RNF20: variants seen among roughly 807,000 people sequenced by gnomAD.
The protein encoded by RNF20 is ring finger protein 20.
In RNF20, 84 loss-of-function variants were observed where a neutral mutation model predicts 126.2. The observed-to-expected ratio is 0.67, with a 90% CI of 0.56 to 0.80. The LOEUF is 0.80. Among genes scored for constraint, RNF20 ranks in the 30% least tolerant of loss-of-function variants. RNF20 has a pLI of 0.00. For synonymous variants in RNF20, 400 were observed against 414.3 expected (o/e 0.97, Z 0.42); for missense variants, 869 against 1,188.2 (o/e 0.73, Z 3.95).
Position 101,554,687 on chromosome 9 carries a change from C to T in RNF20, c.2020-7C>T, listed in dbSNP as rs374049010. ...TTTATTTTTGTGCAATTCCTTTCCTCTTATAGTTGGAAGATCTAAGGCAAA... is the reference window on the plus strand; with the variant it reads ...TTTATTTTTGTGCAATTCCTTTCCTTTTATAGTTGGAAGATCTAAGGCAAA... On this transcript the variant is annotated splice_region_variant and splice_polypyrimidine_tract_variant and intron_variant, in intron 14 of 19. Transcript: ENST00000389120. 1.3e-4 allele frequency: 202 copies of T among 1,609,168 alleles called. No individual in the cohort carries two copies. The highest frequency in any genetic ancestry group is 1.7e-4 in the Non-Finnish European group (196 of 1,177,098).
chr9:101,547,711 A>C (rs773813482), intron 9 of RNF20, among the ~76,000 whole-genome samples, 193 bp downstream of exon 9: 9 of 152,328 alleles, frequency 5.9e-5, no homozygotes, highest in South Asian at 4.1e-4. Flanking sequence ...GCCATATAAA[A>C]CAAGCCCACA....
chr9:101,535,939 G>A (rs1564105738), intron 2 of RNF20, among the ~76,000 whole-genome samples: 2 of 152,202 alleles, frequency 1.3e-5, no homozygotes, highest in Non-Finnish European at 2.9e-5. Context: ...CAGATTGCCT[G>A]GAGTTGACTC....
chr9:101,544,849 T>A lies in RNF20; in HGVS notation c.711T>A (p.Asp237Glu). The A allele has an allele frequency of 6.2e-7, 1 of 1,613,686 alleles. No homozygotes were observed. The highest frequency in any genetic ancestry group is 8.5e-7 in the Non-Finnish European group (1 of 1,179,620). The change falls in exon 6 of 20, where the codon GAT becomes GAA. Residue 237 changes from aspartate (D) to glutamate (E), a missense_variant. By Grantham distance (45) the Asp-to-Glu change is conservative. Coordinates refer to ENST00000389120, the MANE Select transcript of RNF20 (RefSeq NM_019592.7). ...QENMRLQELT[D>E]LLQEKHRTMS... ...ATATGAGGCTACAGGAATTGACAGATCTTCTTCAGGAAAAGCATCGCACCA... is the reference window on the plus strand; with the variant it reads ...ATATGAGGCTACAGGAATTGACAGAACTTCTTCAGGAAAAGCATCGCACCA...
chr9:101,545,449 A>G (rs1410585812), intron 6 of RNF20, among the ~76,000 whole-genome samples: 1 of 152,222 alleles, frequency 6.6e-6, no homozygotes, highest in Admixed American at 6.5e-5. Context: ...TCTAATGGCA[A>G]AACAACTCCC....
Position 101,540,888 on chromosome 9 carries a change from T to A in RNF20, c.541T>A (p.Ser181Thr). Reference sequence around the variant, plus strand: ...TCAGCTGCAGGAACGTGTGGAGTCTTCCCGCCGAGCCGTGTCCCAGATTGT... The same window carrying A: ...TCAGCTGCAGGAACGTGTGGAGTCTACCCGCCGAGCCGTGTCCCAGATTGT... The part of the protein sequence containing the change: ...ESQLQERVES[S>T]RRAVSQIVTV... The change falls in exon 5 of 20, where the codon TCC becomes ACC. Residue 181 changes from serine (S) to threonine (T), a missense_variant. By Grantham distance (58) the Ser-to-Thr change is moderately conservative (BLOSUM62 1). This residue lies in a region of RNF20 where 157 missense variants were observed against 236.0 expected (regional missense o/e 0.67). Transcript: ENST00000389120. The A allele has an allele frequency of 6.2e-7, 1 of 1,613,744 alleles. No homozygotes were observed. The highest frequency in any genetic ancestry group is 1.1e-5 in the South Asian group (1 of 91,062).
chr9:101,562,425 T>C lies in RNF20; in HGVS notation c.*3T>C. On this transcript the variant is annotated 3_prime_UTR_variant, in exon 20 of 20. Coordinates refer to ENST00000389120, the MANE Select transcript of RNF20 (RefSeq NM_019592.7). Reference sequence around the variant, plus strand: ...TTCATCGCATCTACATTGGTTGATCTAAGTCAAGAGAAGAAGAGGAGCTGG... The same window carrying C: ...TTCATCGCATCTACATTGGTTGATCCAAGTCAAGAGAAGAAGAGGAGCTGG... The C allele has an allele frequency of 6.2e-7, 1 of 1,610,682 alleles. No individual in the cohort carries two copies. The highest frequency in any genetic ancestry group is 8.5e-7 in the Non-Finnish European group (1 of 1,178,414).
Position 101,561,565 on chromosome 9 carries a change from T to C in RNF20, c.2649+335T>C, listed in dbSNP as rs898539726. The C allele has an allele frequency of 3.0e-5, 12 of 402,272 alleles. No individual in the cohort carries two copies. In the East Asian group the frequency reaches 3.1e-4, roughly 10 times the overall value. The allele number at this position is 402,272 out of a possible 1,614,324, so 24.9% of individuals were successfully genotyped here. On this transcript the variant is annotated intron_variant, in intron 18 of 19. Transcript: ENST00000389120. The stretch of plus-strand genomic sequence containing the variant: ...CTAGCTGTTTCTCATGATGTCTTTC[T>C]GTCTTTATCCGTAAGTCTCTGAATT...
chr9:101,544,248 A>G (rs1273284811), intron 5 of RNF20, among the ~76,000 whole-genome samples: 1 of 152,228 alleles, frequency 6.6e-6, no homozygotes, highest in African/African-American at 2.4e-5. Context: ...AGTATTTCAG[A>G]ATATATGATA....
chr9:101,542,498 A>G (rs1202223319), intron 5 of RNF20, among the ~76,000 whole-genome samples: 7 of 152,200 alleles, frequency 4.6e-5, no homozygotes, highest in Admixed American at 3.3e-4. Flanking sequence ...TCTAGTTTCT[A>G]GCACTGCATC....
intron 6 of RNF20, among the ~76,000 whole-genome samples, chr9:101,546,378 C>T (rs1827347714): frequency 6.6e-6 from 1 of 151,986 alleles, no homozygotes. Flanking sequence ...TGGAAGTTTT[C>T]TTTTGTTGTG....
chr9:101,544,978 A>C, intron 6 of RNF20, 93 bp downstream of exon 6: 4 of 791,624 alleles, frequency 5.1e-6, no homozygotes, highest in Non-Finnish European at 8.9e-6. Context: ...ACCTTACTCT[A>C]GAAGGCCTAT....
At chr9:101,555,245 A>G (rs1471425916) in intron 15 of RNF20, among the ~76,000 whole-genome samples, 3 of 151,874 alleles carry the variant, frequency 2.0e-5, no homozygotes, top group Non-Finnish European at 4.4e-5. Context: ...GCTTATAAAT[A>G]TATATCATTA....
At chr9:101,547,964 T>C (rs531821509) in intron 9 of RNF20, among the ~76,000 whole-genome samples, 1 of 152,300 alleles carries the variant, frequency 6.6e-6, no homozygotes, top group South Asian at 2.1e-4. Flanking sequence ...ATGAATTCAG[T>C]AAAGTTGCAG....
intron 9 of RNF20, among the ~76,000 whole-genome samples, chr9:101,548,267 G>A (rs558842836): frequency 2.0e-5 from 3 of 152,290 alleles, no homozygotes; most frequent in South Asian, 4.1e-4. Flanking sequence ...TCACTTGTAT[G>A]TGGGATCTAA....
At chr9:101,552,907 C>A (rs138413653) in intron 13 of RNF20, among the ~76,000 whole-genome samples, 154 bp downstream of exon 13, 7 of 152,294 alleles carry the variant, frequency 4.6e-5, no homozygotes, top group Non-Finnish European at 8.8e-5. Context: ...AAGTGCACAG[C>A]CAAAATGGCT....
chr9:101,550,745 G>A lies in RNF20; in HGVS notation c.1232G>A (p.Gly411Asp). 4 of 1,614,158 alleles carry A rather than the reference G, an allele frequency of 2.5e-6. No individual in the cohort carries two copies. The highest frequency in any genetic ancestry group is 3.4e-6 in the Non-Finnish European group (4 of 1,180,004). The change falls in exon 10 of 20, where the codon GGC becomes GAC. Residue 411 changes from glycine to aspartate, a missense_variant. Coordinates refer to ENST00000389120, the MANE Select transcript of RNF20 (RefSeq NM_019592.7). ...HLDEARTLLH[G>D]TRGTHQHQVE... ...GATGAGGCTCGGACCCTGCTTCATG[G>A]CACCAGAGGAACCCACCAGCACCAG... is the stretch of plus-strand genomic sequence containing the variant.
intron 5 of RNF20, among the ~76,000 whole-genome samples, chr9:101,543,353 CA>C (rs1827287631): frequency 6.8e-6 from 1 of 147,066 alleles, no homozygotes; most frequent in Non-Finnish European, 1.5e-5. Flanking sequence ...TCCAGGGCGG[CA>C]CTGTCTAACC....
Position 101,562,480 on chromosome 9 carries a change from A to G in RNF20, c.*58A>G. ...TCAGGAACTTATTCATTAACCACCA[A>G]ACCTCTACCTCTTCTCTCCTTGACT... On this transcript the variant is annotated 3_prime_UTR_variant, in exon 20 of 20. Coordinates refer to ENST00000389120, the MANE Select transcript of RNF20 (RefSeq NM_019592.7). 1.3e-6 allele frequency: 2 copies of G among 1,495,746 alleles called. No homozygotes were observed. The highest frequency in any genetic ancestry group is 1.8e-6 in the Non-Finnish European group (2 of 1,104,118). The allele number at this position is 1,495,746 out of a possible 1,614,324, so 92.7% of individuals were successfully genotyped here.
chr9:101,537,397 A>G (rs1311931827), intron 2 of RNF20, among the ~76,000 whole-genome samples: 1 of 152,146 alleles, frequency 6.6e-6, no homozygotes, highest in Non-Finnish European at 1.5e-5. Flanking sequence ...TTTGGGAGTC[A>G]TGGAGGATGA....
Sources: gnomAD v4.1 joint callset for allele counts (sites outside exome capture counted in the v4.1 genomes callset) on GRCh38, gnomAD v4.1.1 for gene constraint, gnomAD v4.1.1 regional missense constraint, MANE v1.5 for transcripts, NCBI Gene and HGNC (gene_info 2026-07-23, HGNC 2026-07-21) for gene names.